Variants in MSRA observed in about 807,000 individuals in gnomAD.
MSRA encodes methionine sulfoxide reductase A, also known as mitochondrial peptide methionine sulfoxide reductase.
In MSRA, 54 loss-of-function variants were observed where a neutral mutation model predicts 31.3. That is an observed-to-expected ratio of 1.73 (90% CI 1.39 to 2.17). The LOEUF (loss-of-function observed/expected upper bound fraction) is 2.17. Among genes scored for constraint, MSRA ranks in the 30% most tolerant of loss-of-function variants. The pLI is 0.00. For missense variants in MSRA, 507 were observed against 300.9 expected, an observed-to-expected ratio of 1.69 and a Z score of -5.07; for synonymous variants, 169 against 116.5, an observed-to-expected ratio of 1.45 and a Z score of -2.90.
chr8:10,348,909 C>G (rs1163549413), intron 5 of MSRA, among the ~76,000 whole-genome samples: 1 of 151,998 alleles, frequency 6.6e-6, no homozygotes, highest in African/African-American at 2.4e-5. Context: ...AGGGAAACAG[C>G]CTCCCTGTTG....
At chr8:10,330,400 C>T (rs1802627118) in intron 5 of MSRA, among the ~76,000 whole-genome samples, 1 of 152,118 alleles carries the variant, frequency 6.6e-6, no homozygotes, top group East Asian at 1.9e-4. Context: ...AGATAATTCC[C>T]CAGCAAGAGG....
chr8:10,371,742 A>G (rs1022892758), intron 5 of MSRA, among the ~76,000 whole-genome samples: 4 of 152,062 alleles, frequency 2.6e-5, no homozygotes, highest in African/African-American at 7.2e-5. Context: ...AGTTCCTACC[A>G]TGCAAGCATA....
intron 1 of MSRA, among the ~76,000 whole-genome samples, chr8:10,137,856 A>C (rs558796900): frequency 6.6e-6 from 1 of 152,314 alleles, no homozygotes; most frequent in East Asian, 1.9e-4. Flanking sequence ...ACAAAGTTTT[A>C]TTACTGTAGA....
chr8:10,340,428 A>G (rs927833037), intron 5 of MSRA, among the ~76,000 whole-genome samples: 2 of 152,252 alleles, frequency 1.3e-5, no homozygotes, highest in African/African-American at 4.8e-5. Context: ...GCTGGAGTGC[A>G]GTGGCGTGAT....
At chr8:10,418,815 T>TAAAAAAAAAAAAAAAAAA (rs71203323) in intron 5 of MSRA, among the ~76,000 whole-genome samples, 4 of 66,028 alleles carry the variant, frequency 6.1e-5, no homozygotes, top group Non-Finnish European at 7.4e-5. Flanking sequence ...TTACTACGAC[T>TAAAAAAAAAAAAAAAAAA]AAAAAAAAAA....
At chr8:10,057,439 C>T (rs1002568834) in intron 1 of MSRA, among the ~76,000 whole-genome samples, 3 of 152,188 alleles carry the variant, frequency 2.0e-5, no homozygotes, top group Non-Finnish European at 2.9e-5. Context: ...ATAATTAAAA[C>T]CTCAGAGTGC....
At chr8:10,361,669 A>C (rs1482905602) in intron 5 of MSRA, among the ~76,000 whole-genome samples, 1 of 152,188 alleles carries the variant, frequency 6.6e-6, no homozygotes, top group Non-Finnish European at 1.5e-5. Context: ...CCTGTCTCCC[A>C]AAAACACAAC....
intron 1 of MSRA, among the ~76,000 whole-genome samples, chr8:10,171,688 G>C (rs1805601380): frequency 6.6e-6 from 1 of 152,176 alleles, no homozygotes; most frequent in South Asian, 2.1e-4. Flanking sequence ...ACTGGAAAAA[G>C]CTAAATCATC....
At chr8:10,269,707 G>T (rs987195425) in intron 3 of MSRA, among the ~76,000 whole-genome samples, 2 of 152,140 alleles carry the variant, frequency 1.3e-5, no homozygotes, top group Non-Finnish European at 2.9e-5. Flanking sequence ...CTGGAGTGCA[G>T]TGACTTGATC....
intron 1 of MSRA, among the ~76,000 whole-genome samples, chr8:10,154,336 G>A (rs989458127): frequency 2.0e-5 from 3 of 152,006 alleles, no homozygotes; most frequent in Non-Finnish European, 2.9e-5. Context: ...GCTTCAATAC[G>A]ATGGAAGGCT....
At chr8:10,199,520 A>G (rs574896687) in intron 1 of MSRA, among the ~76,000 whole-genome samples, 26 of 151,396 alleles carry the variant, frequency 1.7e-4, no homozygotes, top group African/African-American at 6.3e-4. Context: ...GCGTTTCACC[A>G]TGTTGGCCAG....
In MSRA at chr8:10,171,186, G is replaced by C. The variant is rs10105177; in HGVS notation, c.143-36647G>C. On this transcript the variant is annotated intron_variant, in intron 1 of 5. Transcript: ENST00000317173. The stretch of plus-strand genomic sequence containing the variant: ...TGGTAGAGAAAGAGAAGCTGGGCCA[G>C]ATGTAGTCTGGTTAGAATGCTGCTG... 1.6e-3 allele frequency among the ~76,000 whole-genome samples: 242 copies of C among 152,334 alleles called. 1 individual carries two copies. Among genetic ancestry groups the C allele is most frequent in the African/African-American group, 5.3e-3 (221 of 41,580 alleles).
intron 5 of MSRA, among the ~76,000 whole-genome samples, chr8:10,404,096 C>T (rs951669322): frequency 1.4e-4 from 22 of 152,228 alleles, no homozygotes; most frequent in Admixed American, 7.2e-4. Flanking sequence ...AAGTAGACTT[C>T]GGAAAATGCT....
In MSRA at chr8:10,123,867, T is replaced by C. The variant is rs567421854; in HGVS notation, c.142+69209T>C. 5.9e-5 allele frequency among the ~76,000 whole-genome samples: 9 copies of C among 152,062 alleles called. 1 individual carries two copies. The highest frequency in any genetic ancestry group is 3.3e-4 in the Admixed American group (5 of 15,276). On this transcript the variant is annotated intron_variant, in intron 1 of 5. Coordinates refer to ENST00000317173, the MANE Select transcript of MSRA (RefSeq NM_012331.5). Reference sequence around the variant, plus strand: ...ATCCATTGGTCTATGCTTTTTTTTTTCTTTCTTCTTCTTTTGAGACAGGGT... The same window carrying C: ...ATCCATTGGTCTATGCTTTTTTTTTCCTTTCTTCTTCTTTTGAGACAGGGT...
intron 1 of MSRA, among the ~76,000 whole-genome samples, chr8:10,127,809 A>G (rs1264159842): frequency 6.6e-6 from 1 of 152,252 alleles, no homozygotes; most frequent in Non-Finnish European, 1.5e-5. Context: ...GCATGTAGAT[A>G]TGAAAACCTC....
intron 1 of MSRA, among the ~76,000 whole-genome samples, chr8:10,191,094 G>A (rs1807466714): frequency 1.3e-5 from 2 of 152,222 alleles, no homozygotes; most frequent in Admixed American, 6.5e-5. Flanking sequence ...ACCTTAAGCT[G>A]CTTATGGATG....
At chr8:10,095,794 C>T (rs1799113752) in intron 1 of MSRA, 2 of 1,205,344 alleles carry the variant, frequency 1.7e-6, no homozygotes, top group Non-Finnish European at 2.1e-6. Flanking sequence ...GACGTTTAGT[C>T]ACCAGTATTA....
chr8:10,251,166 A>T (rs1328444696), intron 3 of MSRA, among the ~76,000 whole-genome samples: 2 of 151,674 alleles, frequency 1.3e-5, no homozygotes, highest in African/African-American at 4.8e-5. Context: ...TAACTGAGCA[A>T]GGAATAATAA....
intron 1 of MSRA, among the ~76,000 whole-genome samples, chr8:10,137,132 C>G (rs533744832): frequency 1.3e-5 from 2 of 152,196 alleles, no homozygotes; most frequent in Non-Finnish European, 2.9e-5. Context: ...GAACAAAGCT[C>G]GTCTGCTTTG....
Sources: gnomAD v4.1 joint callset for allele counts (sites outside exome capture counted in the v4.1 genomes callset) on GRCh38, gnomAD v4.1.1 for gene constraint, MANE v1.5 for transcripts, NCBI Gene and HGNC (gene_info 2026-07-23, HGNC 2026-07-21) for gene names.